Variants in GALNT13 observed in about 807,000 individuals in gnomAD.
GALNT13 encodes the protein polypeptide N-acetylgalactosaminyltransferase 13.
A neutral mutation model predicts 64.2 loss-of-function variants in GALNT13; 28 were observed. That is an observed-to-expected ratio of 0.44 (90% CI 0.32 to 0.60). The LOEUF is 0.60. Among genes scored for constraint, GALNT13 ranks in the 20% least tolerant of loss-of-function variants. The pLI, the probability that GALNT13 is intolerant of heterozygous loss-of-function variation, is 0.05. For synonymous variants in GALNT13, 214 were observed against 224.6 expected (o/e 0.95, Z 0.42); for missense variants, 577 against 669.8 (o/e 0.86, Z 1.53).
intron 3 of GALNT13, among the ~76,000 whole-genome samples, chr2:154,100,321 T>C (rs776922437): frequency 3.9e-5 from 6 of 152,164 alleles, no homozygotes; most frequent in Non-Finnish European, 8.8e-5. Flanking sequence ...TTAATATTGA[T>C]TCTTGAAATC....
intron 4 of GALNT13, among the ~76,000 whole-genome samples, chr2:154,199,165 T>G (rs1687039488): frequency 6.6e-6 from 1 of 151,980 alleles, no homozygotes; most frequent in South Asian, 2.1e-4. Context: ...TTAAAAATAA[T>G]CATCATGGTA....
chr2:153,894,590 G>A (rs868505807), intron 1 of GALNT13, among the ~76,000 whole-genome samples: 31 of 152,042 alleles, frequency 2.0e-4, no homozygotes, highest in Middle Eastern at 3.4e-3. Flanking sequence ...AGGGAGGGAG[G>A]AAAAGAGGGA....
chr2:154,355,648 A>G (rs1696697204), intron 9 of GALNT13, among the ~76,000 whole-genome samples: 1 of 151,942 alleles, frequency 6.6e-6, no homozygotes, highest in African/African-American at 2.4e-5. Context: ...GTAACTGATA[A>G]CCCCAGAGTT....
intron 9 of GALNT13, among the ~76,000 whole-genome samples, chr2:154,342,854 T>C (rs1695852059): frequency 6.6e-6 from 1 of 151,166 alleles, no homozygotes; most frequent in South Asian, 2.1e-4. Context: ...GTGTGCGAGA[T>C]TTCTTAGGGT....
chr2:153,410,180 G>C, the GALNT13 span, among the ~76,000 whole-genome samples: 1 of 152,084 alleles, frequency 6.6e-6, no homozygotes, highest in East Asian at 1.9e-4. Context: ...CTACCTCCTG[G>C]GCTCAAGTGA....
At chr2:153,366,331 A>C in the GALNT13 span, among the ~76,000 whole-genome samples, 1 of 152,148 alleles carries the variant, frequency 6.6e-6, no homozygotes, top group Non-Finnish European at 1.5e-5. Flanking sequence ...TAGGTGCAGC[A>C]AACCACCATG....
chr2:153,342,405 C>T, the GALNT13 span, among the ~76,000 whole-genome samples: 4 of 152,158 alleles, frequency 2.6e-5, no homozygotes, highest in Admixed American at 1.3e-4. Context: ...AAGACACTGT[C>T]TGCACTAAAT....
At chr2:154,190,322 C>T (rs1309191665) in intron 4 of GALNT13, among the ~76,000 whole-genome samples, 2 of 152,148 alleles carry the variant, frequency 1.3e-5, no homozygotes, top group Non-Finnish European at 2.9e-5. Context: ...GTATGCCCCA[C>T]TGAGGAAAAT....
chr2:153,481,040 C>G, the GALNT13 span, among the ~76,000 whole-genome samples: 1 of 152,042 alleles, frequency 6.6e-6, no homozygotes, highest in African/African-American at 2.4e-5. Flanking sequence ...TTAATCAAAT[C>G]TTTGGGTGGG....
chr2:154,430,870 C>T (rs906957812), intron 11 of GALNT13, among the ~76,000 whole-genome samples: 6 of 152,090 alleles, frequency 3.9e-5, no homozygotes, highest in South Asian at 2.1e-4. Context: ...TACCACTCAC[C>T]GAAGGCTAGG....
At chr2:154,263,739 C>G (rs1213083835) in intron 8 of GALNT13, among the ~76,000 whole-genome samples, 1 of 152,016 alleles carries the variant, frequency 6.6e-6, no homozygotes, top group Non-Finnish European at 1.5e-5. Flanking sequence ...TTTTTCTACA[C>G]TCATAAATCA....
intron 4 of GALNT13, among the ~76,000 whole-genome samples, chr2:154,195,868 C>T (rs1045609388): frequency 2.0e-5 from 3 of 152,134 alleles, no homozygotes; most frequent in Non-Finnish European, 1.5e-5. Flanking sequence ...GCCCCAACCC[C>T]TGCTCATGGT....
chr2:153,266,156 T>C, the GALNT13 span, among the ~76,000 whole-genome samples: 1 of 152,204 alleles, frequency 6.6e-6, no homozygotes, highest in Non-Finnish European at 1.5e-5. Context: ...AAGCCCACAA[T>C]ATTTCCAAGG....
At chr2:153,712,720 C>A in the GALNT13 span, among the ~76,000 whole-genome samples, 1 of 152,044 alleles carries the variant, frequency 6.6e-6, no homozygotes, top group Non-Finnish European at 1.5e-5. Flanking sequence ...TGGAAATGAT[C>A]TTTTTAAGTG....
the GALNT13 span, among the ~76,000 whole-genome samples, chr2:153,275,442 G>A: frequency 6.6e-6 from 1 of 152,136 alleles, no homozygotes; most frequent in Non-Finnish European, 1.5e-5. Flanking sequence ...GATGAAGGAA[G>A]TCCATCCCTT....
At chr2:153,919,160 C>G (rs1211174358) in intron 2 of GALNT13, among the ~76,000 whole-genome samples, 1 of 152,018 alleles carries the variant, frequency 6.6e-6, no homozygotes. Flanking sequence ...GCTTATCTTT[C>G]TTAAAATACA....
intron 4 of GALNT13, among the ~76,000 whole-genome samples, chr2:154,224,960 A>T (rs1312736773): frequency 6.6e-6 from 1 of 152,140 alleles, no homozygotes; most frequent in East Asian, 1.9e-4. Flanking sequence ...ATTTCCAGAT[A>T]TGTCGCAGAT....
the GALNT13 span, among the ~76,000 whole-genome samples, chr2:153,841,849 C>A: frequency 6.6e-6 from 1 of 152,092 alleles, no homozygotes; most frequent in African/African-American, 2.4e-5. Context: ...TCCAAAATTA[C>A]AAGCCAACAC....
chr2:153,796,788 C>T, the GALNT13 span, among the ~76,000 whole-genome samples: 1 of 152,094 alleles, frequency 6.6e-6, no homozygotes, highest in Non-Finnish European at 1.5e-5. Flanking sequence ...TTCTTTGGTG[C>T]CATACATTTT....
Sources: gnomAD v4.1 joint callset for allele counts (sites outside exome capture counted in the v4.1 genomes callset) on GRCh38, gnomAD v4.1.1 for gene constraint, MANE v1.5 for transcripts, NCBI Gene and HGNC (gene_info 2026-07-23, HGNC 2026-07-21) for gene names.